The following TBC1D22A variants were observed in gnomAD, a reference collection of about 807,000 sequenced individuals.
The protein encoded by TBC1D22A is TBC1 domain family member 22A, also known as putative GTPase activator.
Under a neutral mutation model 60.2 loss-of-function variants are expected in TBC1D22A, and 38 were observed. The observed-to-expected ratio is 0.63, with a 90% CI of 0.49 to 0.83. The LOEUF (loss-of-function observed/expected upper bound fraction) is 0.83. Among genes scored for constraint, TBC1D22A ranks in the 40% least tolerant of loss-of-function variants. TBC1D22A has a pLI of 0.00. For missense variants in TBC1D22A, 628 were observed against 701.0 expected (o/e 0.90, Z 1.18); for synonymous variants, 302 against 281.7 (o/e 1.07, Z -0.72).
chr22:46,799,931 C>T (rs2084823576), intron 4 of TBC1D22A, among the ~76,000 whole-genome samples: 1 of 152,222 alleles, frequency 6.6e-6, no homozygotes, highest in Non-Finnish European at 1.5e-5. Context: ...CTGAAGAGCT[C>T]CCCTTTTTCC....
rs75483217 is a variant in TBC1D22A, at chr22:47,040,448, C to A, written c.1329+3250C>A. Among the ~76,000 whole-genome samples the A allele has an allele frequency of 6.4e-3, 974 of 152,170 alleles. 10 individuals are homozygous for A. The highest frequency in any genetic ancestry group is 0.023 in the African/African-American group (937 of 41,496). On this transcript the variant is annotated intron_variant, in intron 11 of 12. Transcript: ENST00000337137. Reference sequence around the variant, plus strand: ...CTGCGTCAGCAGTGGTCATCAATGGCTGAGAGCAGGTGCATGGGGGTGAAT... The same window carrying A: ...CTGCGTCAGCAGTGGTCATCAATGGATGAGAGCAGGTGCATGGGGGTGAAT...
At chr22:46,908,931 T>G (rs2069688914) in intron 7 of TBC1D22A, among the ~76,000 whole-genome samples, 1 of 152,152 alleles carries the variant, frequency 6.6e-6, no homozygotes, top group African/African-American at 2.4e-5. Flanking sequence ...AGTTCAGAGA[T>G]GCGGGCCTCA....
chr22:46,962,238 G>C (rs542465694), intron 8 of TBC1D22A, among the ~76,000 whole-genome samples: 3 of 152,326 alleles, frequency 2.0e-5, no homozygotes, highest in South Asian at 4.1e-4. Context: ...ACGGATTTAA[G>C]AAACAGTCAC....
intron 12 of TBC1D22A, among the ~76,000 whole-genome samples, chr22:47,166,783 G>A (rs2147222387): frequency 6.6e-6 from 1 of 152,384 alleles, no homozygotes; most frequent in South Asian, 2.1e-4. Flanking sequence ...CCTGTGAGAA[G>A]GTCTGGCATG....
At chr22:46,883,756 C>G (rs2067969102) in intron 5 of TBC1D22A, among the ~76,000 whole-genome samples, 1 of 152,254 alleles carries the variant, frequency 6.6e-6, no homozygotes. Context: ...GCCTTCTCTC[C>G]TGGCTGCTGC....
intron 4 of TBC1D22A, among the ~76,000 whole-genome samples, chr22:46,863,343 A>C (rs895937042): frequency 6.6e-6 from 1 of 152,184 alleles, no homozygotes; most frequent in Non-Finnish European, 1.5e-5. Context: ...CAGGAGACAT[A>C]CTGGTATGCC....
chr22:47,081,757 T>C (rs2064475386), intron 11 of TBC1D22A, among the ~76,000 whole-genome samples: 1 of 152,208 alleles, frequency 6.6e-6, no homozygotes, highest in African/African-American at 2.4e-5. Context: ...CTACTCAAGA[T>C]CTTTACACTA....
chr22:46,877,871 A>G (rs573086287), intron 4 of TBC1D22A, among the ~76,000 whole-genome samples: 1 of 152,206 alleles, frequency 6.6e-6, no homozygotes, highest in Non-Finnish European at 1.5e-5. Context: ...CATGGGAGTG[A>G]GACACTCAAG....
At chr22:47,031,168 G>A (rs183590310) in intron 10 of TBC1D22A, among the ~76,000 whole-genome samples, 4 of 152,330 alleles carry the variant, frequency 2.6e-5, no homozygotes, top group South Asian at 2.1e-4. Context: ...CTGGGTGGGC[G>A]TGGGTTTTGC....
intron 9 of TBC1D22A, among the ~76,000 whole-genome samples, chr22:46,981,075 A>G (rs1413163430): frequency 1.3e-5 from 2 of 152,250 alleles, no homozygotes; most frequent in Admixed American, 6.5e-5. Context: ...TGTAGCCCAT[A>G]TGTAGCTGTG....
chr22:46,933,255 C>T (rs1478955472), intron 8 of TBC1D22A, among the ~76,000 whole-genome samples: 1 of 152,178 alleles, frequency 6.6e-6, no homozygotes, highest in Non-Finnish European at 1.5e-5. Context: ...TAATCATGAT[C>T]ACAACCACAG....
intron 9 of TBC1D22A, among the ~76,000 whole-genome samples, chr22:46,978,905 G>A (rs984782713): frequency 9.2e-5 from 14 of 152,140 alleles, no homozygotes; most frequent in Admixed American, 3.9e-4. Context: ...CACCGCGCCC[G>A]GCCAGGAAGT....
Position 46,843,104 on chromosome 22 carries a change from G to T in TBC1D22A, c.638-35549G>T, listed in dbSNP as rs115533807. Among the ~76,000 whole-genome samples, 679 of 152,278 alleles carry T rather than the reference G, an allele frequency of 4.5e-3. 8 individuals carry two copies. Among genetic ancestry groups the T allele is most frequent in the African/African-American group, 0.015 (632 of 41,558 alleles). On this transcript the variant is annotated intron_variant, in intron 4 of 12. Transcript: ENST00000337137. ...CGTTCAGCTGGGTGGCCGGATTTCA[G>T]GGCATCATTTGTGAAATGACCCACT...
intron 11 of TBC1D22A, among the ~76,000 whole-genome samples, chr22:47,054,646 C>T (rs75426631): frequency 6.6e-6 from 1 of 152,332 alleles, no homozygotes; most frequent in Non-Finnish European, 1.5e-5. Context: ...ACTCATTTCC[C>T]CCTTGCTGAT....
At chr22:47,104,236 G>T (rs566524549) in intron 11 of TBC1D22A, among the ~76,000 whole-genome samples, 1 of 152,068 alleles carries the variant, frequency 6.6e-6, no homozygotes, top group African/African-American at 2.4e-5. Flanking sequence ...AATGCAGGAG[G>T]CAGGGAGGTT....
chr22:46,802,248 A>G (rs2084930765), intron 4 of TBC1D22A, among the ~76,000 whole-genome samples: 1 of 152,244 alleles, frequency 6.6e-6, no homozygotes, highest in Admixed American at 6.5e-5. Context: ...CCCTGCCCTC[A>G]AGGAGCTGAC....
At chr22:47,139,761 C>T (rs1207801509) in intron 12 of TBC1D22A, among the ~76,000 whole-genome samples, 1 of 152,232 alleles carries the variant, frequency 6.6e-6, no homozygotes, top group Non-Finnish European at 1.5e-5. Flanking sequence ...CGCTAAGACC[C>T]AAGTTCAGGA....
chr22:46,974,295 G>A lies in TBC1D22A; in HGVS notation c.1021G>A (p.Glu341Lys), dbSNP rs752146755. The part of the protein sequence containing the change: ...VVFICEYIEA[E>K]EVDTVDVSGV... ...GCATGCTCGGCGCCGCCCAGAGGCA[G>A]AGGAGGTGGACACGGTGGACGTCTC... Residue 341 changes from glutamate to lysine, a missense_variant, in exon 9 of 13, where the codon GAG (glutamate) becomes AAG (lysine). Physicochemically the swap from Glu to Lys is moderately conservative, Grantham distance 56. Transcript: ENST00000337137. The A allele has an allele frequency of 2.5e-6, 4 of 1,595,450 alleles. No individual in the cohort carries two copies. The highest frequency in any genetic ancestry group is 2.3e-5 in the South Asian group (2 of 87,844).
chr22:47,115,222 A>C (rs1265503315), intron 12 of TBC1D22A, among the ~76,000 whole-genome samples: 2 of 152,120 alleles, frequency 1.3e-5, no homozygotes, highest in Non-Finnish European at 2.9e-5. Flanking sequence ...CTCCCCTGCC[A>C]GAGCTTGCTG....
Sources: allele counts gnomAD v4.1 joint callset (sites outside exome capture counted in the v4.1 genomes callset), GRCh38; gene constraint gnomAD v4.1.1; transcripts MANE v1.5; gene names NCBI Gene and HGNC (gene_info 2026-07-23, HGNC 2026-07-21).